Variants in HMGXB4 observed in about 807,000 individuals in gnomAD.
HMGXB4 encodes the protein HMG domain-containing protein 4.
A neutral mutation model predicts 63.9 loss-of-function variants in HMGXB4; 27 were observed. The ratio of observed to expected loss-of-function variants is 0.42; its 90% CI spans 0.31 to 0.58. The LOEUF (loss-of-function observed/expected upper bound fraction) is 0.58. Among genes scored for constraint, HMGXB4 ranks in the 20% least tolerant of loss-of-function variants. HMGXB4 has a pLI of 0.13. For synonymous variants in HMGXB4, 264 were observed against 265.3 expected, an observed-to-expected ratio of 0.99 and a Z score of 0.05; for missense variants, 624 against 700.7, an observed-to-expected ratio of 0.89 and a Z score of 1.24.
the HMGXB4 span, among the ~76,000 whole-genome samples, chr22:35,242,419 G>C: frequency 6.6e-6 from 1 of 151,894 alleles, no homozygotes; most frequent in Admixed American, 6.6e-5. Flanking sequence ...ATTTCATCTA[G>C]GTTGTCAAAT....
intron 1 of HMGXB4, among the ~76,000 whole-genome samples, chr22:35,260,912 A>G (rs1922803059): frequency 6.6e-6 from 1 of 152,232 alleles, no homozygotes; most frequent in Non-Finnish European, 1.5e-5. Flanking sequence ...TCCATGCTTC[A>G]GTATTGTCCA....
chr22:35,286,595 G>T (rs757661816), intron 7 of HMGXB4, among the ~76,000 whole-genome samples: 3 of 152,124 alleles, frequency 2.0e-5, no homozygotes, highest in Non-Finnish European at 2.9e-5. Context: ...CACGCCTGTA[G>T]TTCCAGCACT....
In HMGXB4 at chr22:35,265,225, T is replaced by G; in HGVS notation, c.837T>G (p.Ser279Arg). ...CCTCCCAGTTCGCAGAGTCCCACAG[T>G]GCTAACCTTGATCTTTCAGGGCTTG... ...SDASQFAESH[S>R]ANLDLSGLEP... is the part of the protein sequence containing the mutation. Residue 279 changes from serine to arginine, a missense_variant, in exon 5 of 11, where the codon AGT (serine) becomes AGG (arginine). By Grantham distance (110) the Ser-to-Arg change is moderately radical. Around this residue, in one of 2 missense-constraint regions of HMGXB4, gnomAD observed 472 missense variants for 470.6 expected, o/e 1.00. Coordinates refer to ENST00000216106, the MANE Select transcript of HMGXB4 (RefSeq NM_001003681.3). 6.2e-7 allele frequency: 1 copy of G among 1,614,082 alleles called. No homozygotes were observed. Among genetic ancestry groups the G allele is most frequent in the Non-Finnish European group, 8.5e-7 (1 of 1,180,002 alleles).
the HMGXB4 span, among the ~76,000 whole-genome samples, chr22:35,246,340 T>A: frequency 1.3e-5 from 2 of 152,082 alleles, no homozygotes; most frequent in Non-Finnish European, 2.9e-5. Context: ...AGTGGCACGA[T>A]CTCGGCTCAC....
chr22:35,261,204 G>T (rs1225391306), intron 1 of HMGXB4, among the ~76,000 whole-genome samples: 1 of 152,160 alleles, frequency 6.6e-6, no homozygotes, highest in African/African-American at 2.4e-5. Flanking sequence ...TTGGGAGGCC[G>T]AGGTGGGTGG....
At chr22:35,283,829 T>A in intron 5 of HMGXB4, 133 bp from the exon 6 acceptor site, 1 of 583,088 alleles carries the variant, frequency 1.7e-6, no homozygotes. Flanking sequence ...TTAGGAAAGC[T>A]GGTTAGTAGT....
intron 4 of HMGXB4, 43 bp downstream of exon 4, chr22:35,263,917 G>A: frequency 2.5e-6 from 4 of 1,600,380 alleles, no homozygotes; most frequent in South Asian, 1.1e-5. Context: ...ACACATCGCT[G>A]GTTCTTGGAG....
intron 5 of HMGXB4, among the ~76,000 whole-genome samples, chr22:35,272,949 A>G (rs921237578): frequency 2.0e-5 from 3 of 152,192 alleles, no homozygotes; most frequent in Non-Finnish European, 2.9e-5. Context: ...TAAATAAATA[A>G]TATCCCGTAA....
At chr22:35,256,911 C>CCT (rs536670508), upstream of HMGXB4, among the ~76,000 whole-genome samples, 30 of 152,196 alleles carry the variant, frequency 2.0e-4, 1 homozygote, top group South Asian at 4.6e-3. Context: ...GACATCTCTT[C>CCT]CTCTCTCTCT....
chr22:35,266,253 T>C (rs1256615240), intron 5 of HMGXB4, among the ~76,000 whole-genome samples: 1 of 152,230 alleles, frequency 6.6e-6, no homozygotes, highest in African/African-American at 2.4e-5. Context: ...CAAAAGGTGT[T>C]CTTTGAGTTC....
intron 8 of HMGXB4, among the ~76,000 whole-genome samples, 168 bp from the exon 9 acceptor site, chr22:35,288,070 C>T (rs1924703170): frequency 6.6e-6 from 1 of 152,184 alleles, no homozygotes; most frequent in Non-Finnish European, 1.5e-5. Flanking sequence ...CTATTCCTAA[C>T]TCACAGGCCA....
chr22:35,263,108 A>G lies in HMGXB4; in HGVS notation c.62A>G (p.Asp21Gly), dbSNP rs150842119. 5 of 1,613,894 alleles carry G rather than the reference A, an allele frequency of 3.1e-6. No individual in the cohort carries two copies. In the African/African-American group the frequency reaches 6.7e-5, roughly 22 times the overall value. The change falls in exon 3 of 11, where the codon GAC (aspartate) becomes GGC (glycine). Residue 21 changes from aspartate to glycine, a missense_variant. This residue lies in a region of HMGXB4 where 472 missense variants were observed against 470.6 expected (regional missense o/e 1.00). Transcript: ENST00000216106. ...DCFDGDHTFEDIGLAAGRSQR... is the reference protein window; with the variant it reads ...DCFDGDHTFEGIGLAAGRSQR... ...TTTGATGGTGATCATACCTTTGAGGACATAGGACTTGCAGCTGGCCGAAGC... is the reference window on the plus strand; with the variant it reads ...TTTGATGGTGATCATACCTTTGAGGGCATAGGACTTGCAGCTGGCCGAAGC...
the HMGXB4 span, among the ~76,000 whole-genome samples, chr22:35,241,729 G>A: frequency 6.6e-6 from 1 of 152,184 alleles, no homozygotes; most frequent in Admixed American, 6.5e-5. Context: ...GGGAGAGGGG[G>A]GTCTCCCTTT....
intron 5 of HMGXB4, among the ~76,000 whole-genome samples, chr22:35,272,790 C>T (rs1209170510): frequency 3.9e-5 from 6 of 152,110 alleles, no homozygotes; most frequent in African/African-American, 7.2e-5. Flanking sequence ...AAAAATTAGC[C>T]AGGCGTGGTG....
intron 5 of HMGXB4, among the ~76,000 whole-genome samples, chr22:35,267,949 G>A (rs1923363011): frequency 6.6e-6 from 1 of 152,124 alleles, no homozygotes; most frequent in South Asian, 2.1e-4. Context: ...TTGTTTTCAG[G>A]AATTTGTAAA....
At chr22:35,286,132 ACT>A in intron 7 of HMGXB4, 71 bp downstream of exon 7, 1 of 1,084,604 alleles carries the variant, frequency 9.2e-7, no homozygotes, top group Non-Finnish European at 1.4e-6. Flanking sequence ...TCTTCCATAG[ACT>A]AGCCAGCCAG....
intron 6 of HMGXB4, among the ~76,000 whole-genome samples, chr22:35,284,932 A>G (rs1924474806): frequency 6.6e-6 from 1 of 152,228 alleles, no homozygotes; most frequent in Non-Finnish European, 1.5e-5. Flanking sequence ...TAAAGCATAA[A>G]ACTCTTATAC....
At position 35,263,021 on chromosome 22, in the gene HMGXB4, G is replaced by T; in HGVS notation, c.32-57G>T. ...TGTTGCATTACCTGCATGACGATTT[G>T]GTCATTACTTACTTGACTTTCTCAT... is the stretch of plus-strand genomic sequence containing the variant. On this transcript the variant is annotated intron_variant, in intron 2 of 10. Transcript: ENST00000216106. 3 of 1,508,910 alleles carry T rather than the reference G, an allele frequency of 2.0e-6. No homozygotes were observed. In the East Asian group the frequency reaches 6.8e-5, roughly 34 times the overall value. 93.5% of individuals were successfully genotyped at this position (1,508,910 alleles called of 1,614,324 possible). A position where few individuals can be genotyped will look rare whatever the true frequency, so the allele number is the denominator to read the frequency against.
chr22:35,267,326 A>G (rs1949368402), intron 5 of HMGXB4, among the ~76,000 whole-genome samples: 1 of 152,148 alleles, frequency 6.6e-6, no homozygotes, highest in Admixed American at 6.5e-5. Context: ...GCTTTATGAA[A>G]TAAACACTAT....
Sources: gnomAD v4.1 joint callset for allele counts (sites outside exome capture counted in the v4.1 genomes callset) on GRCh38, gnomAD v4.1.1 for gene constraint, gnomAD v4.1.1 regional missense constraint, MANE v1.5 for transcripts, NCBI Gene and HGNC (gene_info 2026-07-23, HGNC 2026-07-21) for gene names.